MFN1: variants seen among roughly 807,000 people sequenced by gnomAD.
MFN1 encodes mitofusin-1.
A neutral mutation model predicts 92.4 loss-of-function variants in MFN1; 65 were observed. The ratio of observed to expected loss-of-function variants is 0.70; its 90% confidence interval spans 0.58 to 0.86. MFN1 has a LOEUF of 0.86. Among genes scored for constraint, MFN1 ranks in the 40% least tolerant of loss-of-function variants. The pLI is 0.00. For synonymous variants in MFN1, 297 were observed against 300.9 expected (o/e 0.99, Z 0.13); for missense variants, 781 against 868.0 (o/e 0.90, Z 1.26).
At chr3:179,355,372 T>C (rs1467883129) in intron 3 of MFN1, among the ~76,000 whole-genome samples, 1 of 152,094 alleles carries the variant, frequency 6.6e-6, no homozygotes, top group Non-Finnish European at 1.5e-5. Context: ...TCATCCTCAT[T>C]TTAACCAGCC....
In MFN1 at chr3:179,394,438, C is replaced by T. The variant is rs1304386153; in HGVS notation, c.*2379C>T. ...TTTTTTTTTTTTTTTTTTTTTGAGA[C>T]GGAGTCTCGCTCTGTCGCCCAGGCT... On this transcript the variant is annotated 3_prime_UTR_variant, in exon 18 of 18. Transcript: ENST00000471841. The T allele has an allele frequency of 6.5e-5, 6 of 91,742 alleles. No individual in the cohort carries two copies. The highest frequency in any genetic ancestry group is 9.5e-5 in the Non-Finnish European group (5 of 52,410). The allele number at this position is 91,742 out of a possible 1,614,324, so 5.7% of individuals were successfully genotyped here.
At chr3:179,357,408 T>C (rs1382596473) in intron 3 of MFN1, among the ~76,000 whole-genome samples, 1 of 152,058 alleles carries the variant, frequency 6.6e-6, no homozygotes, top group Non-Finnish European at 1.5e-5. Flanking sequence ...GAAAGATAAA[T>C]CTTAAGAGAG....
intron 1 of MFN1, 51 bp from the exon 2 acceptor site, chr3:179,348,794 A>G: frequency 6.3e-7 from 1 of 1,584,118 alleles, no homozygotes; most frequent in Admixed American, 1.7e-5. Flanking sequence ...ATCAGTTTGC[A>G]TGTCTATCAT....
rs1713695613 is a variant in MFN1 at position 179,386,612 on chromosome 3, C to T, written c.1995C>T (p.Cys665=). ...RMIVSSTSAN[C]SHQVKQQIAT... is the part of the protein sequence containing the mutation. The stretch of plus-strand genomic sequence containing the variant: ...TTGTTAGCTCCACGAGTGCAAACTG[C>T]AGTCACCAAGTAAAACAGTAAGTTG... Residue 665 remains cysteine, a synonymous_variant, in exon 16 of 18, where the codon TGC becomes TGT. Coordinates refer to ENST00000471841, the MANE Select transcript of MFN1 (RefSeq NM_033540.3). 1.9e-6 allele frequency: 3 copies of T among 1,609,652 alleles called. No individual in the cohort carries two copies. Among genetic ancestry groups the T allele is most frequent in the African/African-American group, 1.3e-5 (1 of 74,606 alleles).
chr3:179,381,644 A>T (rs933520071), intron 14 of MFN1, among the ~76,000 whole-genome samples: 1 of 152,260 alleles, frequency 6.6e-6, no homozygotes, highest in Admixed American at 6.5e-5. Context: ...CCAAACAACC[A>T]TAGAGTGTTC....
rs1713334959 is a variant in MFN1, at chr3:179,378,412, C to T, written c.1401C>T (p.Ala467=). 2 of 1,605,150 alleles carry T rather than the reference C, an allele frequency of 1.2e-6. No individual in the cohort carries two copies. Among genetic ancestry groups the T allele is most frequent in the Non-Finnish European group, 8.5e-7 (1 of 1,177,792 alleles). The change falls in exon 13 of 18, where the codon GCC becomes GCT. Residue 467 remains alanine, a synonymous_variant. Coordinates refer to ENST00000471841, the MANE Select transcript of MFN1 (RefSeq NM_033540.3). ...LADRCTDEVN[A]LVLQTQQEII... ...ATCGATGCACCGATGAAGTAAACGC[C>T]TTAGTGCTTCAGACCCAGCAAGAAA...
At chr3:179,380,116 G>A (rs1376665924) in intron 14 of MFN1, among the ~76,000 whole-genome samples, 1 of 152,174 alleles carries the variant, frequency 6.6e-6, no homozygotes, top group Non-Finnish European at 1.5e-5. Flanking sequence ...AGGTAAGATA[G>A]CATTAACTTT....
intron 9 of MFN1, among the ~76,000 whole-genome samples, chr3:179,372,367 TTTATA>T (rs1713058469): frequency 6.6e-6 from 1 of 151,586 alleles, no homozygotes; most frequent in Non-Finnish European, 1.5e-5. Flanking sequence ...CATATATAAA[TTTATA>T]TTATTAATGT....
rs1451370839 is a variant in MFN1, at chr3:179,378,608, G to A, written c.1456G>A (p.Ala486Thr). ...AGAAAATTTGAAGCCATTACTTCCA[G>A]CTGGTATACAGGATAAACTACATAC... ...IIENLKPLLP[A>T]GIQDKLHTLI... The change falls in exon 14 of 18, where the codon GCT (alanine) becomes ACT (threonine). Residue 486 changes from alanine (A) to threonine (T), a missense_variant. By Grantham distance (58) the Ala-to-Thr change is moderately conservative. Coordinates refer to ENST00000471841, the MANE Select transcript of MFN1 (RefSeq NM_033540.3). 1 of 1,611,318 alleles carries A rather than the reference G, an allele frequency of 6.2e-7. No individual in the cohort carries two copies. The highest frequency in any genetic ancestry group is 1.1e-5 in the South Asian group (1 of 90,726).
Position 179,348,952 on chromosome 3 carries a change from A to G in MFN1, c.101A>G (p.His34Arg). ...QLLEFVTEGS[H>R]FVEATYKNPE... Reference sequence around the variant, plus strand: ...CTGGAGTTTGTTACTGAAGGATCACATTTTGTTGAAGGTTAGTTCTTCTTA... The same window carrying G: ...CTGGAGTTTGTTACTGAAGGATCACGTTTTGTTGAAGGTTAGTTCTTCTTA... Residue 34 changes from histidine (H) to arginine (R), a missense_variant, in exon 2 of 18, where the codon CAT becomes CGT. Transcript: ENST00000471841. The G allele has an allele frequency of 1.3e-6, 2 of 1,585,952 alleles. No individual in the cohort carries two copies. Among genetic ancestry groups the G allele is most frequent in the African/African-American group, 1.3e-5 (1 of 74,512 alleles).
intron 14 of MFN1, among the ~76,000 whole-genome samples, chr3:179,382,377 G>C (rs375048507): frequency 2.0e-5 from 3 of 152,064 alleles, no homozygotes; most frequent in South Asian, 2.1e-4. Context: ...CAGCTTCATC[G>C]ATGTCCCTAC....
intron 14 of MFN1, among the ~76,000 whole-genome samples, chr3:179,383,916 A>G (rs1191792658): frequency 6.6e-6 from 1 of 152,276 alleles, no homozygotes; most frequent in African/African-American, 2.4e-5. Flanking sequence ...GAAATTGTAA[A>G]ACCATCACCA....
At chr3:179,358,372 C>T (rs1242531076) in intron 3 of MFN1, among the ~76,000 whole-genome samples, 2 of 151,964 alleles carry the variant, frequency 1.3e-5, no homozygotes, top group African/African-American at 2.4e-5. Context: ...AGGCTGGTCC[C>T]GAACTCCTGA....
In MFN1 at chr3:179,377,047, A is replaced by G; in HGVS notation, c.1103A>G (p.Tyr368Cys). The G allele has an allele frequency of 1.9e-6, 3 of 1,613,666 alleles. No individual in the cohort carries two copies. Among genetic ancestry groups the G allele is most frequent in the South Asian group, 1.1e-5 (1 of 91,030 alleles). The change falls in exon 11 of 18, where the codon TAT becomes TGT. Residue 368 changes from tyrosine (Y) to cysteine (C), a missense_variant. Physicochemically the swap from Tyr to Cys is radical, Grantham distance 194 (BLOSUM62 -2). Transcript: ENST00000471841. Reference protein sequence around the residue: ...VNLAAEDKRHYSVEEREDQID... With the variant: ...VNLAAEDKRHCSVEEREDQID... ...TACTCTTTATACTGAAATAGGCATT[A>G]TTCAGTGGAAGAGAGGGAAGACCAA...
chr3:179,390,208 A>C (rs544238207), intron 17 of MFN1, 70 bp downstream of exon 17: 1 of 1,238,026 alleles, frequency 8.1e-7, no homozygotes, highest in African/African-American at 1.6e-5. Flanking sequence ...AAAATTATTA[A>C]TGAATTTGTA....
chr3:179,351,315 TGAGATC>T, intron 2 of MFN1, among the ~76,000 whole-genome samples: 1 of 152,194 alleles, frequency 6.6e-6, no homozygotes, highest in East Asian at 1.9e-4. Flanking sequence ...TACAATCTGA[TGAGATC>T]GAGTGCATTC....
intron 4 of MFN1, 102 bp downstream of exon 4, chr3:179,359,104 T>TA: frequency 8.0e-7 from 1 of 1,256,662 alleles, no homozygotes; most frequent in Non-Finnish European, 1.0e-6. Flanking sequence ...TGACATCTTA[T>TA]AAAAAGAACT....
intron 12 of MFN1, among the ~76,000 whole-genome samples, chr3:179,377,868 G>C (rs974223420): frequency 6.6e-6 from 1 of 151,986 alleles, no homozygotes; most frequent in Non-Finnish European, 1.5e-5. Flanking sequence ...TTCGAGACCA[G>C]CCTGACCAAC....
At chr3:179,360,468 A>G (rs980562701) in intron 4 of MFN1, among the ~76,000 whole-genome samples, 1 of 152,142 alleles carries the variant, frequency 6.6e-6, no homozygotes, top group Admixed American at 6.6e-5. Context: ...TTATGAATAA[A>G]TATTTTAACT....
Sources: allele counts gnomAD v4.1 joint callset (sites outside exome capture counted in the v4.1 genomes callset), GRCh38; gene constraint gnomAD v4.1.1; transcripts MANE v1.5; gene names NCBI Gene and HGNC (gene_info 2026-07-23, HGNC 2026-07-21).